The following BAZ2B variants were observed in gnomAD, a reference collection of about 807,000 sequenced individuals.
BAZ2B encodes bromodomain adjacent to zinc finger domain 2B.
A neutral mutation model predicts 246.0 loss-of-function variants in BAZ2B; 91 were observed. The observed-to-expected ratio is 0.37, with a 90% CI of 0.31 to 0.44. The LOEUF (loss-of-function observed/expected upper bound fraction) is 0.44, where lower values mean the gene tolerates loss of function less well. Ranked by LOEUF, BAZ2B falls within the 20% of genes least tolerant of loss-of-function variation. The pLI is 1.00. For missense variants in BAZ2B, 2,332 were observed against 2,533.7 expected, an observed-to-expected ratio of 0.92 and a Z score of 1.71; for synonymous variants, 855 against 860.0, an observed-to-expected ratio of 0.99 and a Z score of 0.10.
At position 159,332,285 on chromosome 2, in the gene BAZ2B, G is replaced by A. The variant is rs191279188; in HGVS notation, c.5943+255C>T. Among the ~76,000 whole-genome samples, 15 of 150,022 alleles carry A rather than the reference G, an allele frequency of 1.0e-4. No homozygotes were observed. The South Asian group carries it at 2.7e-3, about 27-fold the overall frequency. ...AGGAAGATTGCTTGAGGCCAGGGATGAGACCACTGCAGGCAACATAGCAAG... is the reference window on the plus strand; with the variant it reads ...AGGAAGATTGCTTGAGGCCAGGGATAAGACCACTGCAGGCAACATAGCAAG... On this transcript the variant is annotated intron_variant, in intron 34 of 36. Coordinates refer to ENST00000392783, the MANE Select transcript of BAZ2B (RefSeq NM_013450.4).
chr2:159,393,074 G>C (rs1489567911), intron 20 of BAZ2B, among the ~76,000 whole-genome samples: 1 of 139,510 alleles, frequency 7.2e-6, no homozygotes, highest in African/African-American at 2.8e-5. Context: ...TGGAAAAACA[G>C]CAATAGTACA....
At position 159,541,636 on chromosome 2, in the gene BAZ2B, T is replaced by G. The variant is rs145767154; in HGVS notation, c.-3+14187A>C. ...TCATTATGGTCTACTATGTCCTGTA[T>G]TTTCTGGTTGCTTATCTCAAACTGC... On this transcript the variant is annotated intron_variant, in intron 2 of 36. Coordinates refer to ENST00000392783, the MANE Select transcript of BAZ2B (RefSeq NM_013450.4). 4.7e-3 allele frequency among the ~76,000 whole-genome samples: 717 copies of G among 152,308 alleles called. 6 individuals carry two copies. Among genetic ancestry groups the G allele is most frequent in the African/African-American group, 0.016 (680 of 41,570 alleles).
chr2:159,595,796 C>T (rs905777601), intron 1 of BAZ2B, among the ~76,000 whole-genome samples: 1 of 152,232 alleles, frequency 6.6e-6, no homozygotes, highest in Non-Finnish European at 1.5e-5. Flanking sequence ...CCAGTTTTGG[C>T]ATATCAAATG....
chr2:159,700,659 C>T, the BAZ2B span, among the ~76,000 whole-genome samples: 1 of 152,146 alleles, frequency 6.6e-6, no homozygotes, highest in East Asian at 1.9e-4. Context: ...ATTGGCCAGG[C>T]TGGTCTCGAA....
rs2065873772 is a variant in BAZ2B at position 159,405,997 on chromosome 2, GT to G, written c.2678-884del. Among the ~76,000 whole-genome samples, 3 of 152,272 alleles carry G rather than the reference GT, an allele frequency of 2.0e-5. No homozygotes were observed. In the South Asian group the frequency reaches 6.2e-4, roughly 32 times the overall value. ...TTCAATGACTTTTAAAGACAACCTA[GT>G]TCTTATAATCTTCAAGGATACATGT... On this transcript the variant is annotated intron_variant, in intron 14 of 36. Transcript: ENST00000392783.
chr2:159,603,326 G>A (rs886576004), intron 1 of BAZ2B, among the ~76,000 whole-genome samples: 15 of 152,198 alleles, frequency 9.9e-5, no homozygotes, highest in African/African-American at 3.6e-4. Context: ...TTTAAAAATG[G>A]AAATTAAAAC....
In BAZ2B at chr2:159,389,330, T is replaced by A. The variant is rs200163738; in HGVS notation, c.3216+15A>T. ...AAACTTATGAATGAAATGGTGTACA[T>A]GACGTATAAATTACCTTTTGGTCTG... On this transcript the variant is annotated intron_variant, in intron 21 of 36. Transcript: ENST00000392783. 1 of 1,574,132 alleles carries A rather than the reference T, an allele frequency of 6.4e-7. No individual in the cohort carries two copies. Among genetic ancestry groups the A allele is most frequent in the Non-Finnish European group, 8.6e-7 (1 of 1,164,230 alleles).
chr2:159,364,708 C>T (rs992390456), intron 27 of BAZ2B, among the ~76,000 whole-genome samples: 1 of 152,170 alleles, frequency 6.6e-6, no homozygotes, highest in Non-Finnish European at 1.5e-5. Flanking sequence ...TTAGTAGCTT[C>T]TATAACTGTT....
rs536749653 is a variant in BAZ2B at position 159,462,428 on chromosome 2, T to C, written c.146-8627A>G. 3.4e-5 allele frequency: 42 copies of C among 1,238,994 alleles called. No homozygotes were observed. In the South Asian group the frequency reaches 4.9e-4, roughly 15 times the overall value. 76.8% of individuals were successfully genotyped at this position (1,238,994 alleles called of 1,614,324 possible). On this transcript the variant is annotated intron_variant, in intron 3 of 36. Coordinates refer to ENST00000392783, the MANE Select transcript of BAZ2B (RefSeq NM_013450.4). ...TGCATTTCTTTGCTAATGTTGTAGC[T>C]GAGTAATCTTGTTCCAGTCAATTTT... is the stretch of plus-strand genomic sequence containing the variant.
chr2:159,395,257 G>C (rs2063856825), intron 20 of BAZ2B: 1 of 152,100 alleles, frequency 6.6e-6, no homozygotes, highest in Admixed American at 6.6e-5. Context: ...CAACCTTTAA[G>C]TGATTTCTAT....
intron 2 of BAZ2B, among the ~76,000 whole-genome samples, chr2:159,484,798 C>G (rs563412669): frequency 1.1e-4 from 17 of 151,838 alleles, no homozygotes; most frequent in African/African-American, 3.9e-4. Context: ...TGCACTGATA[C>G]TTTAGTGTTG....
the BAZ2B span, among the ~76,000 whole-genome samples, chr2:159,669,150 A>G: frequency 6.6e-6 from 1 of 151,870 alleles, no homozygotes; most frequent in African/African-American, 2.4e-5. Context: ...GATCTGTTGT[A>G]TTTTCATTAT....
At chr2:159,502,871 T>C (rs775195973) in intron 2 of BAZ2B, among the ~76,000 whole-genome samples, 1 of 152,222 alleles carries the variant, frequency 6.6e-6, no homozygotes, top group Non-Finnish European at 1.5e-5. Context: ...CATTTAGTAA[T>C]CTTGCACCTC....
the BAZ2B span, among the ~76,000 whole-genome samples, chr2:159,676,225 G>T: frequency 6.6e-6 from 1 of 151,410 alleles, no homozygotes; most frequent in Non-Finnish European, 1.5e-5. Flanking sequence ...TACAGATGAG[G>T]TCTTCCTATG....
rs201028872 is a variant in BAZ2B at position 159,350,352 on chromosome 2, C to G, written c.4219G>C (p.Glu1407Gln). The G allele has an allele frequency of 6.1e-5, 94 of 1,536,402 alleles. No homozygotes were observed. The highest frequency in any genetic ancestry group is 7.8e-5 in the Non-Finnish European group (89 of 1,146,652). Residue 1407 changes from glutamate (E) to glutamine (Q), a missense_variant, in exon 28 of 37, where the codon GAA (glutamate) becomes CAA (glutamine). Coordinates refer to ENST00000392783, the MANE Select transcript of BAZ2B (RefSeq NM_013450.4). ...TTTTCTCTTTCTTTTGCAATTTCTTCTAGTCCTACAAAATGAAAAAGCATT... is the reference window on the plus strand; with the variant it reads ...TTTTCTCTTTCTTTTGCAATTTCTTGTAGTCCTACAAAATGAAAAAGCATT... ...VEGMESGEGLEEIAKEREKLK... is the reference protein window; with the variant it reads ...VEGMESGEGLQEIAKEREKLK...
intron 3 of BAZ2B, among the ~76,000 whole-genome samples, chr2:159,474,400 A>G (rs576318875): frequency 6.6e-6 from 1 of 151,566 alleles, no homozygotes; most frequent in South Asian, 2.1e-4. Flanking sequence ...TTTGCTTTCC[A>G]TTTTCTTGGT....
chr2:159,472,135 G>A (rs941672803), intron 3 of BAZ2B, among the ~76,000 whole-genome samples: 4 of 152,080 alleles, frequency 2.6e-5, no homozygotes, highest in African/African-American at 9.7e-5. Context: ...TTATTTCCTC[G>A]AGCAGTGGTT....
intron 36 of BAZ2B, among the ~76,000 whole-genome samples, chr2:159,321,504 T>C (rs2062710900): frequency 6.6e-6 from 1 of 152,166 alleles, no homozygotes; most frequent in African/African-American, 2.4e-5. Flanking sequence ...GGAAGCAATC[T>C]AAGTGTCCAT....
Position 159,389,457 on chromosome 2 carries a change from C to A in BAZ2B, c.3104G>T (p.Arg1035Leu). 6.2e-7 allele frequency: 1 copy of A among 1,607,006 alleles called. No individual in the cohort carries two copies. The highest frequency in any genetic ancestry group is 8.5e-7 in the Non-Finnish European group (1 of 1,177,430). ...EEKERLKQEK[R>L]DEKRLNKERK... ...CTCTTTATTTAATCTTTTCTCATCACGTTTTTCTTGTTTCAACCGCTCTTT... is the reference window on the plus strand; with the variant it reads ...CTCTTTATTTAATCTTTTCTCATCAAGTTTTTCTTGTTTCAACCGCTCTTT... Residue 1035 changes from arginine (R) to leucine (L), a missense_variant, in exon 21 of 37, where the codon CGT becomes CTT. Around this residue, in one of 9 missense-constraint regions of BAZ2B, gnomAD observed 328 missense variants for 410.4 expected, o/e 0.80. Coordinates refer to ENST00000392783, the MANE Select transcript of BAZ2B (RefSeq NM_013450.4).
Sources: gnomAD v4.1 joint callset for allele counts (sites outside exome capture counted in the v4.1 genomes callset) on GRCh38, gnomAD v4.1.1 for gene constraint, gnomAD v4.1.1 regional missense constraint, MANE v1.5 for transcripts, NCBI Gene and HGNC (gene_info 2026-07-23, HGNC 2026-07-21) for gene names.